The following POLR1G variants were observed in gnomAD, a reference collection of about 807,000 sequenced individuals.
POLR1G encodes the protein RNA polymerase I subunit G.
Under a neutral mutation model 6.3 loss-of-function variants are expected in POLR1G, and 9 were observed. The observed-to-expected ratio is 1.44, with a 90% CI of 0.87 to 2.51. The LOEUF (loss-of-function observed/expected upper bound fraction) is 2.51, where lower values mean the gene tolerates loss of function less well. Ranked by LOEUF, POLR1G falls within the 30% of genes most tolerant of loss-of-function variation. The pLI is 0.00. For synonymous variants in POLR1G, 248 were observed against 256.5 expected (o/e 0.97, Z 0.32); for missense variants, 617 against 632.5 (o/e 0.98, Z 0.26).
Position 45,409,487 on chromosome 19 carries a change from C to T in POLR1G, c.1519C>T (p.Gln507Ter), listed in dbSNP as rs1178992969. Reference protein sequence around the residue: ...GRDKKRKQQQQQPV With the variant: ...GRDKKRKQQQ ...GGACAAGAAGCGGAAGCAGCAGCAG[C>T]AGCAGCCTGTGTAGTCTGCCCCCGG... is the stretch of plus-strand genomic sequence containing the variant. The change falls in exon 3 of 3, where the codon CAG (glutamine) becomes TAG (stop). Residue 507 changes from glutamine (Q) to a stop codon, truncating the protein, a stop_gained. Transcript: ENST00000309424. LOFTEE classifies it high-confidence loss of function. 1 of 1,608,492 alleles carries T rather than the reference C, an allele frequency of 6.2e-7. No individual in the cohort carries two copies. Among genetic ancestry groups the T allele is most frequent in the South Asian group, 1.1e-5 (1 of 90,534 alleles).
Position 45,407,090 on chromosome 19 carries a change from G to A in POLR1G, c.23-4G>A. On this transcript the variant is annotated splice_region_variant and splice_polypyrimidine_tract_variant and intron_variant, in intron 1 of 2. Transcript: ENST00000309424. ...AGTCGACCCCATTTCCCCTTCTGCT[G>A]CAGATGCTGCTCGGTTCTCTTGTCC... 2 of 1,587,004 alleles carry A rather than the reference G, an allele frequency of 1.3e-6. No individual in the cohort carries two copies. The highest frequency in any genetic ancestry group is 1.7e-6 in the Non-Finnish European group (2 of 1,171,574).
At chr19:45,407,269 G>A in intron 2 of POLR1G, 34 bp downstream of exon 2, 6 of 1,592,438 alleles carry the variant, frequency 3.8e-6, no homozygotes, top group East Asian at 2.3e-5. Flanking sequence ...AGAGGGTCCC[G>A]GTCCAGACCC....
chr19:45,409,555 C>T lies in POLR1G; in HGVS notation c.*54C>T. 6.4e-7 allele frequency: 1 copy of T among 1,573,450 alleles called. No individual in the cohort carries two copies. Among genetic ancestry groups the T allele is most frequent in the Non-Finnish European group, 8.6e-7 (1 of 1,159,796 alleles). ...GAAAGCTGAAGGTGCCCACCTGGGC[C>T]ACCAGAAGGTGACACCCCCAGAATC... On this transcript the variant is annotated 3_prime_UTR_variant, in exon 3 of 3. Coordinates refer to ENST00000309424, the MANE Select transcript of POLR1G (RefSeq NM_012099.3).
rs1973402602 is a variant in POLR1G at position 45,407,220 on chromosome 19, A to G, written c.149A>G (p.Asp50Gly). Reference sequence around the variant, plus strand: ...CTGTGGCTTATTCAGGCCCCTGCAGACTTTGCCCCAGAATGGTGAGTGGTC... The same window carrying G: ...CTGTGGCTTATTCAGGCCCCTGCAGGCTTTGCCCCAGAATGGTGAGTGGTC... ...TELWLIQAPA[D>G]FAPECFNGRH... The change falls in exon 2 of 3, where the codon GAC (aspartate) becomes GGC (glycine). Residue 50 changes from aspartate (D) to glycine (G), a missense_variant. Coordinates refer to ENST00000309424, the MANE Select transcript of POLR1G (RefSeq NM_012099.3). The G allele has an allele frequency of 6.2e-7, 1 of 1,611,768 alleles. No homozygotes were observed. Among genetic ancestry groups the G allele is most frequent in the African/African-American group, 1.3e-5 (1 of 74,680 alleles).
rs200386912 is a variant in POLR1G, at chr19:45,409,892, A to ATTTTTTTTTTTTTT, written c.*393_*394insTTTTTTTTTTTTTT. The ATTTTTTTTTTTTTT allele has an allele frequency of 4.7e-4, 97 of 206,428 alleles. 3 individuals are homozygous for ATTTTTTTTTTTTTT. The highest frequency in any genetic ancestry group is 5.6e-4 in the Non-Finnish European group (70 of 123,900). 12.8% of individuals were successfully genotyped at this position (206,428 alleles called of 1,614,324 possible). A position where few individuals can be genotyped will look rare whatever the true frequency, so the allele number is the denominator to read the frequency against. Reference sequence around the variant, plus strand: ...ATCTTTTTAAGTTATTATTATTATTATTATTTTTTTTTTTTTTGAGATGGA... The same window carrying ATTTTTTTTTTTTTT: ...ATCTTTTTAAGTTATTATTATTATTATTTTTTTTTTTTTTTTATTTTTTTTTTTTTTGAGATGGA... On this transcript the variant is annotated 3_prime_UTR_variant, in exon 3 of 3. Coordinates refer to ENST00000309424, the MANE Select transcript of POLR1G (RefSeq NM_012099.3).
At chr19:45,407,054 AAGG>A (rs1219644734) in intron 1 of POLR1G, 37 bp from the exon 2 acceptor site, 1 of 1,572,320 alleles carries the variant, frequency 6.4e-7, no homozygotes, top group Non-Finnish European at 8.6e-7. Flanking sequence ...TTGGACCGGC[AAGG>A]AGGTGTCAGT....
rs57573120 is a variant in POLR1G, at chr19:45,409,895, A to ATTTTTT, written c.*403_*408dup. On this transcript the variant is annotated 3_prime_UTR_variant, in exon 3 of 3. Coordinates refer to ENST00000309424, the MANE Select transcript of POLR1G (RefSeq NM_012099.3). ...TTTTTAAGTTATTATTATTATTATT[A>ATTTTTT]TTTTTTTTTTTTTTGAGATGGAGTC... 2.6e-4 allele frequency: 45 copies of ATTTTTT among 171,640 alleles called. No individual in the cohort carries two copies. Among genetic ancestry groups the ATTTTTT allele is most frequent in the South Asian group, 1.5e-3 (7 of 4,570 alleles). 10.6% of individuals were successfully genotyped at this position (171,640 alleles called of 1,614,324 possible). A position where few individuals can be genotyped will look rare whatever the true frequency, so the allele number is the denominator to read the frequency against.
In POLR1G at chr19:45,408,747, A is replaced by C. The variant is rs1001385997; in HGVS notation, c.779A>C (p.Glu260Ala). The change falls in exon 3 of 3, where the codon GAA (glutamate) becomes GCA (alanine). Residue 260 changes from glutamate to alanine, a missense_variant. Glu to Ala is a moderately radical substitution (Grantham distance 107). Coordinates refer to ENST00000309424, the MANE Select transcript of POLR1G (RefSeq NM_012099.3). Reference sequence around the variant, plus strand: ...AAGAGGAAGAAGCCCAAAGGGAAAGAAACCTTCGAGCCAGAAGACAAGACA... The same window carrying C: ...AAGAGGAAGAAGCCCAAAGGGAAAGCAACCTTCGAGCCAGAAGACAAGACA... ...TKKRKKPKGKETFEPEDKTVK... is the reference protein window; with the variant it reads ...TKKRKKPKGKATFEPEDKTVK... The C allele has an allele frequency of 6.2e-7, 1 of 1,613,880 alleles. No homozygotes were observed. The highest frequency in any genetic ancestry group is 8.5e-7 in the Non-Finnish European group (1 of 1,179,992).
In POLR1G at chr19:45,408,275, G is replaced by C. The variant is rs758683252; in HGVS notation, c.307G>C (p.Gly103Arg). ...GCTGGCCCCCTCAACGGAGGCAGGA[G>C]GTGGACTCACCTGTGCCTCAGCCCC... ...TLLAPSTEAG[G>R]GLTCASAPQG... The change falls in exon 3 of 3, where the codon GGT (glycine) becomes CGT (arginine). Residue 103 changes from glycine (G) to arginine (R), a missense_variant. By Grantham distance (125) the Gly-to-Arg change is moderately radical. Transcript: ENST00000309424. The C allele has an allele frequency of 5.6e-6, 9 of 1,614,094 alleles. No individual in the cohort carries two copies. Among genetic ancestry groups the C allele is most frequent in the Non-Finnish European group, 6.8e-6 (8 of 1,180,008 alleles).
chr19:45,406,821 C>T lies in POLR1G; in HGVS notation c.22+103C>T. ...AAAGGAGGCGTACCTGCAAGCAGGA[C>T]TTGCGAAGAGCGTGCATTCCCAGTG... On this transcript the variant is annotated intron_variant, in intron 1 of 2. Transcript: ENST00000309424. The surrounding 1 kb of genome is among the most constrained non-coding windows in gnomAD (Gnocchi z 4.2). 8.4e-7 allele frequency: 1 copy of T among 1,184,918 alleles called. No homozygotes were observed. Among genetic ancestry groups the T allele is most frequent in the Non-Finnish European group, 1.2e-6 (1 of 866,010 alleles). 73.4% of individuals were successfully genotyped at this position (1,184,918 alleles called of 1,614,324 possible).
chr19:45,409,843 T>A lies in POLR1G; in HGVS notation c.*342T>A. The A allele has an allele frequency of 1.5e-6, 1 of 687,386 alleles. No individual in the cohort carries two copies. Among genetic ancestry groups the A allele is most frequent in the Non-Finnish European group, 2.7e-6 (1 of 372,302 alleles). 42.6% of individuals were successfully genotyped at this position (687,386 alleles called of 1,614,324 possible). A position where few individuals can be genotyped will look rare whatever the true frequency, so the allele number is the denominator to read the frequency against. On this transcript the variant is annotated 3_prime_UTR_variant, in exon 3 of 3. Coordinates refer to ENST00000309424, the MANE Select transcript of POLR1G (RefSeq NM_012099.3). ...CCTATACCCTCAAGCATTTATCCAT[T>A]GAGTTACAAACAATCCAGTTACAAT...
In POLR1G at chr19:45,406,739, G is replaced by C; in HGVS notation, c.22+21G>C. The C allele has an allele frequency of 2.0e-6, 3 of 1,519,758 alleles. No homozygotes were observed. The highest frequency in any genetic ancestry group is 2.6e-6 in the Non-Finnish European group (3 of 1,136,664). 94.1% of individuals were successfully genotyped at this position (1,519,758 alleles called of 1,614,324 possible). On this transcript the variant is annotated intron_variant, in intron 1 of 2. Coordinates refer to ENST00000309424, the MANE Select transcript of POLR1G (RefSeq NM_012099.3). The surrounding 1 kb of genome is among the most constrained non-coding windows in gnomAD (Gnocchi z 4.2). ...CGGCGGTGAGGGTGCGGGTTGACGG[G>C]GTGCGGAGGGTGCGTTGGTGGAAGG...
At position 45,408,506 on chromosome 19, in the gene POLR1G, C is replaced by G. The variant is rs1973485301; in HGVS notation, c.538C>G (p.Gln180Glu). Residue 180 changes from glutamine to glutamate, a missense_variant, in exon 3 of 3, where the codon CAG becomes GAG. Gln to Glu is a conservative substitution (Grantham distance 29). Coordinates refer to ENST00000309424, the MANE Select transcript of POLR1G (RefSeq NM_012099.3). ...LTSGKKKKEM[Q>E]VTEAPVTQEA... ...CTCAGGGAAGAAGAAAAAGGAGATG[C>G]AGGTGACAGAGGCCCCAGTCACTCA... is the stretch of plus-strand genomic sequence containing the variant. 6.2e-7 allele frequency: 1 copy of G among 1,614,016 alleles called. No individual in the cohort carries two copies. Among genetic ancestry groups the G allele is most frequent in the Non-Finnish European group, 8.5e-7 (1 of 1,179,970 alleles).
At position 45,408,851 on chromosome 19, in the gene POLR1G, G is replaced by C. The variant is rs1250606238; in HGVS notation, c.883G>C (p.Gly295Arg). 9 of 1,614,036 alleles carry C rather than the reference G, an allele frequency of 5.6e-6. No individual in the cohort carries two copies. The highest frequency in any genetic ancestry group is 6.8e-6 in the Non-Finnish European group (8 of 1,180,052). Residue 295 changes from glycine (G) to arginine (R), a missense_variant, in exon 3 of 3, where the codon GGG becomes CGG. Physicochemically the swap from Gly to Arg is moderately radical, Grantham distance 125 (BLOSUM62 -2). Transcript: ENST00000309424. ...SPTKKRKRQKGTEGMEPEEGV... is the reference protein window; with the variant it reads ...SPTKKRKRQKRTEGMEPEEGV... ...GACCAAAAAGAGAAAGAGGCAAAAG[G>C]GGACGGAAGGGATGGAGCCAGAGGA...
chr19:45,407,314 A>G, intron 2 of POLR1G, 79 bp downstream of exon 2: 1 of 1,371,536 alleles, frequency 7.3e-7, no homozygotes, highest in African/African-American at 1.5e-5. Context: ...ACAGGAAAGA[A>G]TTAGAGGTGA....
rs776844788 is a variant in POLR1G at position 45,408,935 on chromosome 19, C to T, written c.967C>T (p.Pro323Ser). Reference protein sequence around the residue: ...VKVEPLEEAIPLPPTKKRKKE... With the variant: ...VKVEPLEEAISLPPTKKRKKE... ...GGTGGAGCCACTGGAGGAAGCCATC[C>T]CTCTGCCCCCTACGAAGAAGAGGAA... The change falls in exon 3 of 3, where the codon CCT (proline) becomes TCT (serine). Residue 323 changes from proline (P) to serine (S), a missense_variant. Physicochemically the swap from Pro to Ser is moderately conservative, Grantham distance 74. Transcript: ENST00000309424. 1 of 1,613,998 alleles carries T rather than the reference C, an allele frequency of 6.2e-7. No individual in the cohort carries two copies. Among genetic ancestry groups the T allele is most frequent in the Admixed American group, 1.7e-5 (1 of 60,008 alleles).
In POLR1G at chr19:45,408,490, G is replaced by C; in HGVS notation, c.522G>C (p.Lys174Asn). The C allele has an allele frequency of 6.2e-7, 1 of 1,613,976 alleles. No individual in the cohort carries two copies. The highest frequency in any genetic ancestry group is 8.5e-7 in the Non-Finnish European group (1 of 1,179,974). The change falls in exon 3 of 3, where the codon AAG becomes AAC. Residue 174 changes from lysine (K) to asparagine (N), a missense_variant. By Grantham distance (94) the Lys-to-Asn change is moderately conservative. Transcript: ENST00000309424. ...ALAPNLLTSG[K>N]KKKEMQVTEA... ...CCCCCAACCTGCTCACCTCAGGGAA[G>C]AAGAAAAAGGAGATGCAGGTGACAG...
chr19:45,406,658 A>C lies in POLR1G; in HGVS notation c.-39A>C, dbSNP rs1358678724. ...ACGTGGTCTGCAACCTGGTGCGAGC[A>C]GCCCGGGCTACAGGGTTGCCTGAGG... On this transcript the variant is annotated 5_prime_UTR_variant, in exon 1 of 3. Transcript: ENST00000309424. This position sits in a 1 kb window ranked among gnomAD's most constrained non-coding sequence, Gnocchi z 4.2. 9.1e-6 allele frequency: 14 copies of C among 1,546,586 alleles called. No homozygotes were observed. Among genetic ancestry groups the C allele is most frequent in the Non-Finnish European group, 1.2e-5 (14 of 1,145,332 alleles).
At chr19:45,407,635 C>T (rs910205288) in intron 2 of POLR1G, 4 of 262,690 alleles carry the variant, frequency 1.5e-5, no homozygotes, top group Non-Finnish European at 2.2e-5. Flanking sequence ...TCTGTATGGC[C>T]ATAAATATTC....
Sources: gnomAD v4.1 joint callset for allele counts on GRCh38, gnomAD v4.1.1 for gene constraint, Gnocchi (gnomAD v3.1) non-coding constraint, MANE v1.5 for transcripts, NCBI Gene and HGNC (gene_info 2026-07-23, HGNC 2026-07-21) for gene names.